The following DGKI variants were observed in gnomAD, a reference collection of about 807,000 sequenced individuals.
DGKI encodes the protein diacylglycerol kinase iota, also known as DAG kinase iota.
Under a neutral mutation model 147.5 loss-of-function variants are expected in DGKI, and 55 were observed. The observed-to-expected ratio is 0.37, with a 90% CI of 0.30 to 0.47. The LOEUF is 0.47. Among genes scored for constraint, DGKI ranks in the 20% least tolerant of loss-of-function variants. DGKI has a pLI of 1.00. For missense variants in DGKI, 1,007 were observed against 1,323.8 expected (o/e 0.76, Z 3.71); for synonymous variants, 469 against 477.1 (o/e 0.98, Z 0.22).
intron 2 of DGKI, among the ~76,000 whole-genome samples, chr7:137,689,617 G>C (rs1823535071): frequency 6.6e-6 from 1 of 152,218 alleles, no homozygotes; most frequent in Non-Finnish European, 1.5e-5. Flanking sequence ...AACCAATAAA[G>C]ACTGCGCACG....
intron 1 of DGKI, among the ~76,000 whole-genome samples, chr7:137,793,984 A>C (rs1178839650): frequency 6.6e-6 from 1 of 152,336 alleles, no homozygotes; most frequent in East Asian, 1.9e-4. Flanking sequence ...ATCAATTCCC[A>C]TAATTCTTAT....
At chr7:137,797,343 G>A (rs959723128) in intron 1 of DGKI, among the ~76,000 whole-genome samples, 6 of 152,142 alleles carry the variant, frequency 3.9e-5, no homozygotes, top group Admixed American at 2.0e-4. Context: ...ACAGTAACTT[G>A]AGTATCCATG....
chr7:137,647,455 C>T (rs7801047), intron 5 of DGKI, among the ~76,000 whole-genome samples: 21,519 of 152,150 alleles, frequency 0.14, 4,607 homozygotes, highest in African/African-American at 0.46. Context: ...ACAAATCATG[C>T]TGTCTGAGCA....
intron 20 of DGKI, among the ~76,000 whole-genome samples, chr7:137,539,025 G>T (rs116870434): frequency 1.3e-5 from 2 of 152,142 alleles, no homozygotes. Flanking sequence ...AATGCCGAAA[G>T]AAATGGAAAA....
chr7:137,512,272 A>C (rs1349851900), intron 21 of DGKI, among the ~76,000 whole-genome samples: 1 of 152,214 alleles, frequency 6.6e-6, no homozygotes, highest in Non-Finnish European at 1.5e-5. Flanking sequence ...GTGTCCTTGT[A>C]ATGATGCATG....
intron 1 of DGKI, among the ~76,000 whole-genome samples, chr7:137,834,705 G>A (rs1039610612): frequency 6.6e-6 from 1 of 152,158 alleles, no homozygotes; most frequent in Non-Finnish European, 1.5e-5. Flanking sequence ...ACTCCATGAA[G>A]CAATTCTCTG....
At chr7:137,508,691 C>G (rs528420188) in intron 21 of DGKI, among the ~76,000 whole-genome samples, 16 of 152,192 alleles carry the variant, frequency 1.1e-4, no homozygotes, top group African/African-American at 3.6e-4. Context: ...TCTCCAGGAG[C>G]TAGAAGTCAT....
chr7:137,767,562 AGAGAAGAGAAG>A (rs2116834232), intron 1 of DGKI, among the ~76,000 whole-genome samples: 1 of 151,482 alleles, frequency 6.6e-6, no homozygotes, highest in African/African-American at 2.4e-5. Context: ...AGAGAAGAGA[AGAGAAGAGAAG>A]GAGAAGGAGA....
At chr7:137,518,933 T>A (rs1367144820) in intron 21 of DGKI, among the ~76,000 whole-genome samples, 6 of 152,160 alleles carry the variant, frequency 3.9e-5, no homozygotes, top group Admixed American at 1.3e-4. Context: ...CAGATTTGCT[T>A]TAATTTTTTT....
Position 137,846,161 on chromosome 7 carries a change from T to TCTCTCACACA in DGKI, c.401+300_401+301insTGTGTGAGAG, listed in dbSNP as rs781580130. Among the ~76,000 whole-genome samples, 59 of 108,216 alleles carry TCTCTCACACA rather than the reference T, an allele frequency of 5.5e-4. 2 individuals carry two copies. The highest frequency in any genetic ancestry group is 1.4e-3 in the East Asian group (5 of 3,570). The allele number at this position is 108,216 out of a possible 152,430, so 71.0% of individuals were successfully genotyped here. ...CTCTCTCTCTCTCTCTCTCTCTCTC[T>TCTCTCACACA]CACACACACACACACACACACACAC... On this transcript the variant is annotated intron_variant, in intron 1 of 32. Transcript: ENST00000614521. The surrounding 1 kb of genome is among the most constrained non-coding windows in gnomAD (Gnocchi z 4.0).
intron 19 of DGKI, among the ~76,000 whole-genome samples, chr7:137,556,159 T>G (rs1028136841): frequency 3.8e-4 from 58 of 150,992 alleles, no homozygotes; most frequent in Admixed American, 2.4e-3. Context: ...AAAAAAGATG[T>G]TCAATGCCTT....
chr7:137,401,183 A>G (rs1811743813), intron 30 of DGKI, among the ~76,000 whole-genome samples: 1 of 152,178 alleles, frequency 6.6e-6, no homozygotes, highest in Non-Finnish European at 1.5e-5. Context: ...TGAAAAGTTA[A>G]TTTGAGTCTC....
rs572117758 is a variant in DGKI at position 137,471,757 on chromosome 7, T to C, written c.2374-2138A>G. 7.3e-5 allele frequency among the ~76,000 whole-genome samples: 11 copies of C among 151,616 alleles called. No individual in the cohort carries two copies. The South Asian group carries it at 2.3e-3, about 31-fold the overall frequency. ...ATTAAATAATTGATAGAGGAAAAAA[T>C]GGTCTCATTCAGGAATGCTACCAAA... On this transcript the variant is annotated intron_variant, in intron 23 of 32. Coordinates refer to ENST00000614521, the MANE Select transcript of DGKI (RefSeq NM_001321708.2).
chr7:137,792,628 C>T (rs1290150194), intron 1 of DGKI, among the ~76,000 whole-genome samples: 1 of 152,148 alleles, frequency 6.6e-6, no homozygotes, highest in African/African-American at 2.4e-5. Context: ...AAATGTGATC[C>T]ACATTGTTGG....
chr7:137,571,856 C>G (rs1818803725), intron 18 of DGKI, among the ~76,000 whole-genome samples: 1 of 151,892 alleles, frequency 6.6e-6, no homozygotes, highest in Non-Finnish European at 1.5e-5. Flanking sequence ...CAAGAAAAGA[C>G]AGAAGAAGGA....
chr7:137,548,144 T>C (rs1353585270), intron 20 of DGKI, among the ~76,000 whole-genome samples: 1 of 152,042 alleles, frequency 6.6e-6, no homozygotes, highest in Non-Finnish European at 1.5e-5. Context: ...GAACAGAAAA[T>C]AGTCAGAAGC....
At chr7:137,601,043 G>A (rs767176658) in intron 10 of DGKI, among the ~76,000 whole-genome samples, 7 of 151,274 alleles carry the variant, frequency 4.6e-5, no homozygotes, top group Non-Finnish European at 7.4e-5. Context: ...AGGCCGAGGC[G>A]GGCAGATCAC....
intron 8 of DGKI, among the ~76,000 whole-genome samples, chr7:137,618,143 A>ATC: frequency 9.2e-5 from 1 of 10,846 alleles, no homozygotes; most frequent in African/African-American, 3.0e-4. Flanking sequence ...ATATATATAT[A>ATC]TATATATATT....
At chr7:137,763,871 G>T (rs1480416975) in intron 1 of DGKI, among the ~76,000 whole-genome samples, 3 of 152,228 alleles carry the variant, frequency 2.0e-5, no homozygotes, top group African/African-American at 7.2e-5. Context: ...TCAGTCTCTT[G>T]TAATAATTAG....
Sources: allele counts gnomAD v4.1 joint callset (sites outside exome capture counted in the v4.1 genomes callset), GRCh38; gene constraint gnomAD v4.1.1; non-coding constraint Gnocchi (gnomAD v3.1); transcripts MANE v1.5; gene names NCBI Gene and HGNC (gene_info 2026-07-23, HGNC 2026-07-21).